SLCO4C1: variants seen among roughly 807,000 people sequenced by gnomAD.
The protein encoded by SLCO4C1 is solute carrier organic anion transporter family member 4C1.
SLCO4C1 carries 58 observed loss-of-function variants against 72.1 expected under a neutral mutation model. The ratio of observed to expected loss-of-function variants is 0.80; its 90% confidence interval spans 0.65 to 1.00. The LOEUF (loss-of-function observed/expected upper bound fraction) is 1.00. SLCO4C1 is among the 50% of genes least tolerant of loss of function. SLCO4C1 has a pLI of 0.00. For synonymous variants in SLCO4C1, 297 were observed against 312.5 expected (o/e 0.95, Z 0.52); for missense variants, 898 against 857.9 (o/e 1.05, Z -0.58).
At chr5:102,247,999 T>C in intron 9 of SLCO4C1, among the ~76,000 whole-genome samples, 1 of 147,158 alleles carries the variant, frequency 6.8e-6, no homozygotes, top group African/African-American at 2.5e-5. Flanking sequence ...AATATGCAGA[T>C]GACACCTCCA....
chr5:102,286,857 T>C (rs1302288523), intron 2 of SLCO4C1, among the ~76,000 whole-genome samples: 1 of 152,136 alleles, frequency 6.6e-6, no homozygotes, highest in Non-Finnish European at 1.5e-5. Flanking sequence ...TTAACGTTCT[T>C]TTGTGTTATT....
chr5:102,240,826 T>A, intron 10 of SLCO4C1, 44 bp from the exon 11 acceptor site: 1 of 1,381,282 alleles, frequency 7.2e-7, no homozygotes, highest in Non-Finnish European at 1.0e-6. Context: ...GGTGGTATAG[T>A]ATATTCACTC....
chr5:102,292,715 T>G (rs933346662), intron 1 of SLCO4C1, among the ~76,000 whole-genome samples: 2 of 152,130 alleles, frequency 1.3e-5, no homozygotes, highest in African/African-American at 4.8e-5. Flanking sequence ...ATCTGAAAAT[T>G]TTGACTTACT....
At chr5:102,288,856 T>G (rs574152063) in intron 2 of SLCO4C1, among the ~76,000 whole-genome samples, 2 of 152,312 alleles carry the variant, frequency 1.3e-5, no homozygotes, top group South Asian at 4.1e-4. Flanking sequence ...TTCATTCTAT[T>G]TGTCTCTTTA....
At chr5:102,253,936 C>A (rs1460945714) in intron 8 of SLCO4C1, among the ~76,000 whole-genome samples, 1 of 144,302 alleles carries the variant, frequency 6.9e-6, no homozygotes, top group Non-Finnish European at 1.5e-5. Flanking sequence ...CCCCCTGAAT[C>A]TAAAAGTTGA....
At chr5:102,265,732 A>G (rs1749025207) in intron 3 of SLCO4C1, among the ~76,000 whole-genome samples, 1 of 152,148 alleles carries the variant, frequency 6.6e-6, no homozygotes, top group Non-Finnish European at 1.5e-5. Context: ...ATAATTTGAA[A>G]TCAGATAGTG....
At chr5:102,294,556 T>C (rs1749613564) in intron 1 of SLCO4C1, among the ~76,000 whole-genome samples, 1 of 152,190 alleles carries the variant, frequency 6.6e-6, no homozygotes, top group African/African-American at 2.4e-5. Context: ...AGATAAGACA[T>C]TTTTTACTTG....
intron 11 of SLCO4C1, 27 bp downstream of exon 11, chr5:102,240,691 A>G: frequency 2.5e-6 from 4 of 1,586,636 alleles, no homozygotes; most frequent in Non-Finnish European, 2.6e-6. Context: ...GCCAACAGTT[A>G]GCAATGAATA....
chr5:102,269,381 G>A (rs1357253880), intron 3 of SLCO4C1, among the ~76,000 whole-genome samples: 1 of 150,654 alleles, frequency 6.6e-6, no homozygotes, highest in East Asian at 1.9e-4. Flanking sequence ...TTGCTGTGTT[G>A]TTTGACTGGG....
chr5:102,285,926 T>C (rs149993823), intron 2 of SLCO4C1, among the ~76,000 whole-genome samples: 12 of 152,276 alleles, frequency 7.9e-5, no homozygotes, highest in African/African-American at 2.9e-4. Flanking sequence ...GAATTTGTGC[T>C]TGAAAACCTC....
At chr5:102,268,836 G>A (rs1749095785) in intron 3 of SLCO4C1, among the ~76,000 whole-genome samples, 1 of 152,006 alleles carries the variant, frequency 6.6e-6, no homozygotes, top group African/African-American at 2.4e-5. Context: ...TTGTAGGGCC[G>A]GTCTAGTGAT....
chr5:102,274,893 A>G (rs1277534382), intron 2 of SLCO4C1, among the ~76,000 whole-genome samples: 1 of 152,170 alleles, frequency 6.6e-6, no homozygotes, highest in Non-Finnish European at 1.5e-5. Context: ...GAGTCTAAAC[A>G]GCATCTTCTG....
intron 2 of SLCO4C1, among the ~76,000 whole-genome samples, chr5:102,282,201 T>C (rs9327814): frequency 0.21 from 31,242 of 151,926 alleles, 4,136 homozygotes; most frequent in Non-Finnish European, 0.26. Flanking sequence ...CCTTTAAACA[T>C]AGAAATGTTC....
intron 11 of SLCO4C1, among the ~76,000 whole-genome samples, chr5:102,239,750 C>G (rs1748505202): frequency 1.3e-5 from 2 of 151,938 alleles, no homozygotes; most frequent in Admixed American, 6.6e-5. Context: ...TCATGATGCA[C>G]AAATAAATCT....
At position 102,236,476 on chromosome 5, in the gene SLCO4C1, A is replaced by T. The variant is rs1209811505; in HGVS notation, c.*382T>A. ...AAGTTGTAATGGGGATAGAAACAAC[A>T]TTTTTTTTAAATGTAAATTTTTCTA... On this transcript the variant is annotated 3_prime_UTR_variant, in exon 13 of 13. Coordinates refer to ENST00000310954, the MANE Select transcript of SLCO4C1 (RefSeq NM_180991.5). The T allele has an allele frequency of 6.5e-6, 1 of 154,460 alleles. No homozygotes were observed. Among genetic ancestry groups the T allele is most frequent in the African/African-American group, 2.4e-5 (1 of 41,394 alleles). The allele number at this position is 154,460 out of a possible 1,614,324, so 9.6% of individuals were successfully genotyped here. A position where few individuals can be genotyped will look rare whatever the true frequency, so the allele number is the denominator to read the frequency against.
At chr5:102,253,221 T>C (rs140893501) in intron 8 of SLCO4C1, among the ~76,000 whole-genome samples, 2 of 152,248 alleles carry the variant, frequency 1.3e-5, no homozygotes, top group Admixed American at 6.5e-5. Flanking sequence ...AAAGTTCCTA[T>C]AGATTGTCAA....
chr5:102,238,808 C>T (rs1442250161), intron 12 of SLCO4C1, among the ~76,000 whole-genome samples: 1 of 152,058 alleles, frequency 6.6e-6, no homozygotes, highest in African/African-American at 2.4e-5. Context: ...CACAGCTAAC[C>T]TTCTAAACTA....
At chr5:102,271,461 A>G (rs561329037) in intron 2 of SLCO4C1, among the ~76,000 whole-genome samples, 3,038 of 151,780 alleles carry the variant, frequency 0.02, 102 homozygotes, top group African/African-American at 0.07. Context: ...ACAAAGAGTG[A>G]AACTGCTAGG....
chr5:102,289,321 A>G (rs966906320), intron 2 of SLCO4C1, among the ~76,000 whole-genome samples: 7 of 152,204 alleles, frequency 4.6e-5, no homozygotes, highest in African/African-American at 1.7e-4. Flanking sequence ...AGTTCTTCAC[A>G]ATGGCTATAA....
Sources: allele counts gnomAD v4.1 joint callset (sites outside exome capture counted in the v4.1 genomes callset), GRCh38; gene constraint gnomAD v4.1.1; transcripts MANE v1.5; gene names NCBI Gene and HGNC (gene_info 2026-07-23, HGNC 2026-07-21).